Variants in MACROD2 observed in about 807,000 individuals in gnomAD.
The protein encoded by MACROD2 is ADP-ribose glycohydrolase MACROD2.
MACROD2 carries 36 observed loss-of-function variants against 70.4 expected under a neutral mutation model. That is an observed-to-expected ratio of 0.51 (90% CI 0.39 to 0.68). The LOEUF is 0.68. Ranked by LOEUF, MACROD2 falls within the 30% of genes least tolerant of loss-of-function variation. MACROD2 has a pLI of 0.00. For missense variants in MACROD2, 496 were observed against 538.4 expected (o/e 0.92, Z 0.78); for synonymous variants, 172 against 178.8 (o/e 0.96, Z 0.30).
chr20:14,577,768 C>T (rs1417010772), intron 4 of MACROD2, among the ~76,000 whole-genome samples: 3 of 54,058 alleles, frequency 5.5e-5, no homozygotes, highest in African/African-American at 1.4e-4. Flanking sequence ...GGCGACAGAG[C>T]AAGATCATTT....
intron 6 of MACROD2, among the ~76,000 whole-genome samples, chr20:15,250,723 T>C (rs570039648): frequency 2.0e-4 from 30 of 152,300 alleles, no homozygotes; most frequent in Admixed American, 2.6e-4. Context: ...TTCTTATCCT[T>C]TGGATCTCAG....
chr20:14,493,762 G>A (rs1020743683), intron 4 of MACROD2: 3 of 320,082 alleles, frequency 9.4e-6, no homozygotes, highest in Non-Finnish European at 1.8e-5. Context: ...AGGTGTAACA[G>A]CTATAAGCTA....
intron 3 of MACROD2, among the ~76,000 whole-genome samples, chr20:14,436,368 A>G (rs1472303019): frequency 6.6e-6 from 1 of 152,218 alleles, no homozygotes; most frequent in Non-Finnish European, 1.5e-5. Context: ...AGCCGATTTC[A>G]AACTAACTTC....
Position 14,326,209 on chromosome 20 carries a change from A to C in MACROD2, c.272-167270A>C. 1 of 1,613,964 alleles carries C rather than the reference A, an allele frequency of 6.2e-7. No homozygotes were observed. The highest frequency in any genetic ancestry group is 8.5e-7 in the Non-Finnish European group (1 of 1,179,894). On this transcript the variant is annotated intron_variant, in intron 3 of 17. Transcript: ENST00000684519. This position sits in a 1 kb window ranked among gnomAD's most constrained non-coding sequence, Gnocchi z 5.5. ...AAGCCAGCTGAGTCTCAAAGCAGTC[A>C]TAGGTAGAGCAAGTTTCCAAGAGAT...
intron 3 of MACROD2, among the ~76,000 whole-genome samples, chr20:14,119,355 G>A (rs1354727977): frequency 6.6e-6 from 1 of 150,594 alleles, no homozygotes; most frequent in Non-Finnish European, 1.5e-5. Context: ...TTTTAGTAGA[G>A]ATAGGGTTTC....
intron 5 of MACROD2, among the ~76,000 whole-genome samples, chr20:14,981,021 AGTGTGTGTGTGTGT>A (rs11468972): frequency 7.0e-6 from 1 of 143,660 alleles, no homozygotes; most frequent in Non-Finnish European, 1.5e-5. Context: ...TACAAAAAGA[AGTGTGTGTGTGTGT>A]GTGTGTGTGT....
rs866195961 is a variant in MACROD2 at position 14,272,275 on chromosome 20, A to G, written c.271+186547A>G. On this transcript the variant is annotated intron_variant, in intron 3 of 17. Coordinates refer to ENST00000684519, the MANE Select transcript of MACROD2 (RefSeq NM_001351661.2). ...TCGGGTTACCCACAAAGGGAAGCCCATCAGACTAACAGCTGATCTCTCGGC... is the reference window on the plus strand; with the variant it reads ...TCGGGTTACCCACAAAGGGAAGCCCGTCAGACTAACAGCTGATCTCTCGGC... Among the ~76,000 whole-genome samples, 424 of 152,370 alleles carry G rather than the reference A, an allele frequency of 2.8e-3. 3 individuals carry two copies. The highest frequency in any genetic ancestry group is 3.7e-3 in the Admixed American group (56 of 15,304).
intron 5 of MACROD2, among the ~76,000 whole-genome samples, chr20:14,784,941 G>C (rs1241169288): frequency 6.6e-6 from 1 of 151,780 alleles, no homozygotes; most frequent in Admixed American, 6.6e-5. Flanking sequence ...GAGAAAACAG[G>C]GCCTGCGGGC....
At chr20:15,554,208 G>C (rs1208534076) in intron 8 of MACROD2, among the ~76,000 whole-genome samples, 1 of 152,194 alleles carries the variant, frequency 6.6e-6, no homozygotes, top group Non-Finnish European at 1.5e-5. Flanking sequence ...ATTGCCCACA[G>C]TTCTGATCAG....
At chr20:14,621,057 C>T (rs1032495113) in intron 4 of MACROD2, among the ~76,000 whole-genome samples, 4 of 152,116 alleles carry the variant, frequency 2.6e-5, no homozygotes, top group East Asian at 3.9e-4. Context: ...ACTACTGATT[C>T]GCTGTGTGAC....
At chr20:15,490,131 TTTCCTTCCTTCC>T (rs111772643) in intron 7 of MACROD2, among the ~76,000 whole-genome samples, 25 of 141,866 alleles carry the variant, frequency 1.8e-4, no homozygotes, top group African/African-American at 3.5e-4. Context: ...CCTCTTGGCA[TTTCCTTCCTTCC>T]TTCCTTCCTT....
intron 5 of MACROD2, among the ~76,000 whole-genome samples, chr20:14,918,623 T>G (rs933885966): frequency 2.1e-4 from 32 of 151,628 alleles, no homozygotes; most frequent in South Asian, 1.7e-3. Flanking sequence ...TTTTGTTTTT[T>G]TTTTTTTTTC....
At chr20:14,480,330 C>A (rs904351707) in intron 3 of MACROD2, among the ~76,000 whole-genome samples, 8 of 151,998 alleles carry the variant, frequency 5.3e-5, no homozygotes, top group Admixed American at 2.6e-4. Flanking sequence ...CAGTAATTTG[C>A]CCAAAATTAT....
chr20:14,270,063 G>GA (rs1475738928), intron 3 of MACROD2, among the ~76,000 whole-genome samples: 2 of 152,040 alleles, frequency 1.3e-5, no homozygotes, highest in Non-Finnish European at 2.9e-5. Flanking sequence ...GCTGCCACAT[G>GA]AAAAATGACT....
intron 5 of MACROD2, among the ~76,000 whole-genome samples, chr20:14,735,492 A>C (rs2071652776): frequency 6.6e-6 from 1 of 152,104 alleles, no homozygotes; most frequent in Non-Finnish European, 1.5e-5. Flanking sequence ...ACAAGTAACA[A>C]GTGTTGGTGA....
Position 15,209,638 on chromosome 20 carries a change from A to G in MACROD2, c.419-20302A>G, listed in dbSNP as rs574296798. 2.0e-5 allele frequency among the ~76,000 whole-genome samples: 3 copies of G among 152,310 alleles called. No individual in the cohort carries two copies. The South Asian group carries it at 6.2e-4, about 32-fold the overall frequency. On this transcript the variant is annotated intron_variant, in intron 5 of 17. Coordinates refer to ENST00000684519, the MANE Select transcript of MACROD2 (RefSeq NM_001351661.2). Reference sequence around the variant, plus strand: ...ACATATCCAAAATCCTCACCTCACTAGTGGATGCAGAAACCTTCCCAGCAT... The same window carrying G: ...ACATATCCAAAATCCTCACCTCACTGGTGGATGCAGAAACCTTCCCAGCAT...
At chr20:14,833,586 CT>C (rs1331563461) in intron 5 of MACROD2, among the ~76,000 whole-genome samples, 1 of 152,006 alleles carries the variant, frequency 6.6e-6, no homozygotes, top group African/African-American at 2.4e-5. Context: ...TAATTTAATG[CT>C]TGGAAACTTT....
chr20:14,700,746 T>C (rs1243955429), intron 5 of MACROD2, among the ~76,000 whole-genome samples: 2 of 152,202 alleles, frequency 1.3e-5, no homozygotes, highest in African/African-American at 2.4e-5. Context: ...TTATGATGCA[T>C]GCTGATTTGG....
chr20:14,849,904 C>A, intron 5 of MACROD2: 2 of 491,022 alleles, frequency 4.1e-6, no homozygotes, highest in Admixed American at 2.2e-5. Flanking sequence ...TTCATCGTAG[C>A]AAATTTGGAT....
Sources: gnomAD v4.1 joint callset for allele counts (sites outside exome capture counted in the v4.1 genomes callset) on GRCh38, gnomAD v4.1.1 for gene constraint, Gnocchi (gnomAD v3.1) non-coding constraint, MANE v1.5 for transcripts, NCBI Gene and HGNC (gene_info 2026-07-23, HGNC 2026-07-21) for gene names.